The following FAT1 variants were observed in gnomAD, a reference collection of about 807,000 sequenced individuals.
FAT1 encodes the protein protocadherin Fat 1.
Under a neutral mutation model 329.8 loss-of-function variants are expected in FAT1, and 171 were observed. The ratio of observed to expected loss-of-function variants is 0.52; its 90% confidence interval spans 0.46 to 0.59. The LOEUF is 0.59. FAT1 is among the 20% of genes least tolerant of loss of function. FAT1 has a pLI of 0.00. For missense variants in FAT1, 5,672 were observed against 5,774.4 expected (o/e 0.98, Z 0.57); for synonymous variants, 2,233 against 2,228.6 (o/e 1.00, Z -0.06).
At chr4:186,627,464 C>G (rs1019859631) in intron 9 of FAT1, among the ~76,000 whole-genome samples, 2 of 152,176 alleles carry the variant, frequency 1.3e-5, no homozygotes, top group Non-Finnish European at 2.9e-5. Context: ...CCCTTGTTAT[C>G]CCGACTCTGG....
rs1204709588 is a variant in FAT1, at chr4:186,619,375, G to A, written c.7211C>T (p.Pro2404Leu). ...IYEARISEHA[P>L]HGHFVTCVKA... ...TACACAGGTCACGAAATGCCCATGA[G>A]GGGCGTGCTCGCTAATTCTGGCTTC... is the stretch of plus-strand genomic sequence containing the variant. The change falls in exon 10 of 27, where the codon CCT becomes CTT. Residue 2404 changes from proline (P) to leucine (L), a missense_variant. By Grantham distance (98) the Pro-to-Leu change is moderately conservative. Around this residue, in one of 2 missense-constraint regions of FAT1, gnomAD observed 3,966 missense variants for 3,915.2 expected, o/e 1.01. Transcript: ENST00000441802. The A allele has an allele frequency of 1.2e-6, 2 of 1,614,012 alleles. No homozygotes were observed. Among genetic ancestry groups the A allele is most frequent in the Admixed American group, 1.7e-5 (1 of 60,032 alleles).
intron 1 of FAT1, among the ~76,000 whole-genome samples, chr4:186,711,749 A>T (rs931620485): frequency 3.9e-5 from 6 of 152,148 alleles, no homozygotes; most frequent in Non-Finnish European, 8.8e-5. Context: ...GTGAAACCCC[A>T]TCTCTACTAA....
At chr4:186,642,079 G>A (rs1741124130) in intron 3 of FAT1, among the ~76,000 whole-genome samples, 1 of 151,480 alleles carries the variant, frequency 6.6e-6, no homozygotes. Context: ...GAAATTATTT[G>A]CATGTTCTAT....
chr4:186,597,041 G>T lies in FAT1; in HGVS notation c.12499C>A (p.Pro4167Thr), dbSNP rs778521969. 9.9e-6 allele frequency: 16 copies of T among 1,613,852 alleles called. No individual in the cohort carries two copies. The highest frequency in any genetic ancestry group is 1.3e-5 in the Non-Finnish European group (15 of 1,179,902). Residue 4167 changes from proline (P) to threonine (T), a missense_variant, in exon 25 of 27, where the codon CCC becomes ACC. Transcript: ENST00000441802. ...CACGGCGTGGACACATACTGGTTGG[G>T]CGCAGCATCCTCGCAGTGACGTCCC... The part of the protein sequence containing the change: ...YRGRHCEDAA[P>T]NQYVSTPWNI...
intron 3 of FAT1, among the ~76,000 whole-genome samples, chr4:186,649,899 T>C (rs1210011846): frequency 6.6e-6 from 1 of 152,246 alleles, no homozygotes; most frequent in Admixed American, 6.5e-5. Context: ...ATACACCTTT[T>C]TATTTGGATA....
chr4:186,632,889 C>A (rs560147621), intron 7 of FAT1, among the ~76,000 whole-genome samples: 63 of 152,264 alleles, frequency 4.1e-4, no homozygotes, highest in African/African-American at 1.5e-3. Context: ...AGATTATAAA[C>A]AAGCCTTTAG....
intron 2 of FAT1, among the ~76,000 whole-genome samples, chr4:186,668,085 G>A (rs1447140764): frequency 2.6e-5 from 4 of 152,216 alleles, no homozygotes; most frequent in African/African-American, 9.6e-5. Context: ...TCCGCTCAGA[G>A]TTTTGGGGTT....
chr4:186,655,664 C>T (rs144103296), intron 3 of FAT1, among the ~76,000 whole-genome samples: 1,647 of 152,084 alleles, frequency 0.011, 41 homozygotes, highest in African/African-American at 0.038. Flanking sequence ...AACTCCTGAC[C>T]TCAAGTGATC....
rs752263241 is a variant in FAT1 at position 186,609,960 on chromosome 4, T to C, written c.9909A>G (p.Leu3303=). ...TGCCTCCATCAGTGGCCTCTACTGT[T>C]AGGTAATACTCATGAGAGCTCTCAT... ...LDYESSHEYY[L]TVEATDGGTP... Residue 3303 remains leucine (L), a synonymous_variant, in exon 15 of 27, where the codon CTA becomes CTG. Transcript: ENST00000441802. 2 of 1,613,508 alleles carry C rather than the reference T, an allele frequency of 1.2e-6. No homozygotes were observed. The highest frequency in any genetic ancestry group is 1.7e-5 in the Admixed American group (1 of 59,996).
chr4:186,720,893 C>T (rs1745443501), intron 1 of FAT1, among the ~76,000 whole-genome samples: 1 of 152,210 alleles, frequency 6.6e-6, no homozygotes, highest in African/African-American at 2.4e-5. Flanking sequence ...ATCCATCCTT[C>T]TCAAATTAAC....
rs754828672 is a variant in FAT1 at position 186,588,264 on chromosome 4, AAG to A, written c.*326_*327del. The A allele has an allele frequency of 1.1e-4, 31 of 276,730 alleles. No homozygotes were observed. Among genetic ancestry groups the A allele is most frequent in the Non-Finnish European group, 1.9e-4 (28 of 146,326 alleles). The allele number at this position is 276,730 out of a possible 1,614,324, so 17.1% of individuals were successfully genotyped here. On this transcript the variant is annotated 3_prime_UTR_variant, in exon 27 of 27. Coordinates refer to ENST00000441802, the MANE Select transcript of FAT1 (RefSeq NM_005245.4). ...ATCTGTACATAAAATTTACAAAAAA[AAG>A]AGACAGGAAAATTAAAATAATCAAA... is the stretch of plus-strand genomic sequence containing the variant.
intron 2 of FAT1, 43 bp from the exon 3 acceptor site, chr4:186,663,656 C>A: frequency 6.8e-7 from 1 of 1,474,012 alleles, no homozygotes; most frequent in Non-Finnish European, 9.1e-7. Context: ...CATCAACGAC[C>A]AAAACTGCCA....
chr4:186,707,048 A>C lies in FAT1; in HGVS notation c.2780T>G (p.Phe927Cys). 1.2e-6 allele frequency: 2 copies of C among 1,613,932 alleles called. No homozygotes were observed. The highest frequency in any genetic ancestry group is 1.7e-6 in the Non-Finnish European group (2 of 1,179,882). Residue 927 changes from phenylalanine (F) to cysteine (C), a missense_variant, in exon 2 of 27, where the codon TTT becomes TGT. Transcript: ENST00000441802. ...TTTCACACGATAATTAGGTGGAATA[A>C]ATGTAGGTGGGTTGTCATTAACATC... is the stretch of plus-strand genomic sequence containing the variant. ...LEDVNDNPPT[F>C]IPPNYRVKVR...
intron 1 of FAT1, among the ~76,000 whole-genome samples, chr4:186,712,585 A>G (rs1490220576): frequency 1.3e-5 from 2 of 152,228 alleles, no homozygotes; most frequent in African/African-American, 4.8e-5. Flanking sequence ...TCCGATGCTG[A>G]TAATTAAGTG....
chr4:186,604,350 C>T (rs1738987429), intron 18 of FAT1, 27 bp downstream of exon 18: 1 of 1,592,786 alleles, frequency 6.3e-7, no homozygotes, highest in South Asian at 1.1e-5. Flanking sequence ...GAATCCACAA[C>T]CAAACCACAA....
intron 1 of FAT1, among the ~76,000 whole-genome samples, chr4:186,713,507 G>A (rs1745062057): frequency 6.6e-6 from 1 of 152,106 alleles, no homozygotes; most frequent in Non-Finnish European, 1.5e-5. Context: ...TTTCCTCACA[G>A]TCAGGTTACT....
chr4:186,654,827 T>C (rs1741828895), intron 3 of FAT1, among the ~76,000 whole-genome samples: 2 of 151,322 alleles, frequency 1.3e-5, no homozygotes, highest in Admixed American at 1.3e-4. Context: ...AGGAAGAACT[T>C]GGGCAGAGGA....
At chr4:186,694,982 C>A (rs1345369320) in intron 2 of FAT1, among the ~76,000 whole-genome samples, 1 of 152,002 alleles carries the variant, frequency 6.6e-6, no homozygotes, top group Non-Finnish European at 1.5e-5. Context: ...CAAAACAAAA[C>A]AAAAATACAA....
intron 22 of FAT1, among the ~76,000 whole-genome samples, chr4:186,599,520 T>A (rs1042972896): frequency 6.6e-6 from 1 of 152,148 alleles, no homozygotes; most frequent in African/African-American, 2.4e-5. Flanking sequence ...GCAGGCCCCC[T>A]ACGCTGAGCC....
Sources: allele counts gnomAD v4.1 joint callset (sites outside exome capture counted in the v4.1 genomes callset), GRCh38; gene constraint gnomAD v4.1.1; regional missense constraint gnomAD v4.1.1; transcripts MANE v1.5; gene names NCBI Gene and HGNC (gene_info 2026-07-23, HGNC 2026-07-21).